PCDHGA9: variants seen among roughly 807,000 people sequenced by gnomAD.
PCDHGA9 encodes protocadherin gamma subfamily A, 9.
A neutral mutation model predicts 62.5 loss-of-function variants in PCDHGA9; 37 were observed. The observed-to-expected ratio is 0.59, with a 90% CI of 0.46 to 0.78. The LOEUF (loss-of-function observed/expected upper bound fraction) is 0.78, where lower values mean the gene tolerates loss of function less well. Ranked by LOEUF, PCDHGA9 falls within the 30% of genes least tolerant of loss-of-function variation. PCDHGA9 has a pLI of 0.00. For missense variants in PCDHGA9, 1,138 were observed against 1,166.2 expected (o/e 0.98, Z 0.35); for synonymous variants, 459 against 484.6 (o/e 0.95, Z 0.69).
chr5:141,474,505 A>G (rs2099350724), intron 1 of PCDHGA9, among the ~76,000 whole-genome samples: 2 of 152,248 alleles, frequency 1.3e-5, no homozygotes, highest in Admixed American at 6.5e-5. Context: ...AATGCCTATC[A>G]GCCCTCTTGC....
At position 141,431,782 on chromosome 5, in the gene PCDHGA9, C is replaced by A. The variant is rs767269112; in HGVS notation, c.2424+26406C>A. The A allele has an allele frequency of 6.2e-7, 1 of 1,614,082 alleles. No homozygotes were observed. On this transcript the variant is annotated intron_variant, in intron 1 of 3. Transcript: ENST00000573521. This position sits in a 1 kb window ranked among gnomAD's most constrained non-coding sequence, Gnocchi z 4.8. Reference sequence around the variant, plus strand: ...TCCTGATCACTGTTCTGGACGTGAACGACAATGCCCCAGAAGTGGTCCTCA... The same window carrying A: ...TCCTGATCACTGTTCTGGACGTGAAAGACAATGCCCCAGAAGTGGTCCTCA...
intron 1 of PCDHGA9, chr5:141,409,341 G>A (rs753232321): frequency 1.9e-6 from 3 of 1,613,976 alleles, no homozygotes; most frequent in Non-Finnish European, 2.5e-6. Flanking sequence ...GGAGGAAATG[G>A]AGAAGTCAGG....
chr5:141,411,285 A>C (rs2095477948), intron 1 of PCDHGA9: 1 of 152,218 alleles, frequency 6.6e-6, no homozygotes, highest in South Asian at 2.1e-4. Flanking sequence ...AAAAATATTC[A>C]GAAGACAGGC....
chr5:141,468,860 C>A (rs941902317), intron 1 of PCDHGA9, among the ~76,000 whole-genome samples: 16 of 151,980 alleles, frequency 1.1e-4, no homozygotes, highest in Admixed American at 4.6e-4. Context: ...AGCGAGACTC[C>A]ATCTCAAAAA....
intron 1 of PCDHGA9, among the ~76,000 whole-genome samples, chr5:141,463,736 G>A (rs757788192): frequency 1.3e-5 from 2 of 151,992 alleles, no homozygotes; most frequent in East Asian, 3.9e-4. Flanking sequence ...ATGAGCCACC[G>A]CGCCCGGCCT....
intron 2 of PCDHGA9, among the ~76,000 whole-genome samples, chr5:141,497,483 C>T (rs1039341023): frequency 6.6e-6 from 1 of 150,378 alleles, no homozygotes; most frequent in Non-Finnish European, 1.5e-5. Context: ...AGGTGCGGAA[C>T]CTCTCTCTCT....
intron 1 of PCDHGA9, chr5:141,409,009 G>A (rs1189849996): frequency 6.2e-7 from 1 of 1,613,994 alleles, no homozygotes. Context: ...CCACTGACCA[G>A]GATGAGGGGG....
chr5:141,439,796 G>A (rs980000701), intron 1 of PCDHGA9: 1 of 152,318 alleles, frequency 6.6e-6, no homozygotes. Flanking sequence ...AATCCAAGAA[G>A]AGTTTGAAAA....
chr5:141,407,847 T>C (rs1236964962), intron 1 of PCDHGA9, among the ~76,000 whole-genome samples: 2 of 152,224 alleles, frequency 1.3e-5, no homozygotes, highest in African/African-American at 4.8e-5. Context: ...TTGAGGGGGA[T>C]GTACACCTGC....
chr5:141,413,838 G>A, intron 1 of PCDHGA9: 1 of 1,613,284 alleles, frequency 6.2e-7, no homozygotes, highest in Non-Finnish European at 8.5e-7. Context: ...CCTCCGACGG[G>A]GGTGACCCTC....
At chr5:141,422,566 A>G (rs2096656660) in intron 1 of PCDHGA9, 1 of 1,614,020 alleles carries the variant, frequency 6.2e-7, no homozygotes, top group Non-Finnish European at 8.5e-7. Flanking sequence ...GGCAGATGAC[A>G]ACGATAACCC....
rs1375469711 is a variant in PCDHGA9, at chr5:141,512,102, C to A, written c.*929C>A. On this transcript the variant is annotated 3_prime_UTR_variant, in exon 4 of 4. Coordinates refer to ENST00000573521, the MANE Select transcript of PCDHGA9 (RefSeq NM_018921.3). ...GCCATAAACCAATAACTAGGCTGGA[C>A]CCTTCCCACTACATAATAGGGCTCA... The A allele has an allele frequency of 6.5e-6, 1 of 152,688 alleles. No individual in the cohort carries two copies. Among genetic ancestry groups the A allele is most frequent in the Non-Finnish European group, 1.5e-5 (1 of 68,070 alleles). The allele number at this position is 152,688 out of a possible 1,614,324, so 9.5% of individuals were successfully genotyped here. A position where few individuals can be genotyped will look rare whatever the true frequency, so the allele number is the denominator to read the frequency against.
chr5:141,477,568 C>G lies in PCDHGA9; in HGVS notation c.2425-17239C>G. 1 of 1,614,172 alleles carries G rather than the reference C, an allele frequency of 6.2e-7. No individual in the cohort carries two copies. Among genetic ancestry groups the G allele is most frequent in the Non-Finnish European group, 8.5e-7 (1 of 1,180,044 alleles). On this transcript the variant is annotated intron_variant, in intron 1 of 3. Coordinates refer to ENST00000573521, the MANE Select transcript of PCDHGA9 (RefSeq NM_018921.3). The surrounding 1 kb of genome is among the most constrained non-coding windows in gnomAD (Gnocchi z 4.9). ...TACTAAACCTAAGTGTCTGGGACCC[C>G]GACGCCCCGCAGAATGCTCGGCTTT...
chr5:141,417,533 A>T (rs1253836392), intron 1 of PCDHGA9: 3 of 274,888 alleles, frequency 1.1e-5, no homozygotes, highest in African/African-American at 2.2e-5. Context: ...CTCGTAGTTT[A>T]AAAAAAATTC....
chr5:141,467,952 C>A (rs1341210155), intron 1 of PCDHGA9, among the ~76,000 whole-genome samples: 1 of 152,186 alleles, frequency 6.6e-6, no homozygotes, highest in Non-Finnish European at 1.5e-5. Flanking sequence ...AGCCACCACA[C>A]CCGGCTGCCA....
chr5:141,405,648 G>A (rs936380418), intron 1 of PCDHGA9: 3 of 523,734 alleles, frequency 5.7e-6, no homozygotes, highest in East Asian at 3.2e-5. Flanking sequence ...CTAATTTTTT[G>A]TGTGTTTTTA....
Position 141,432,938 on chromosome 5 carries a change from G to C in PCDHGA9, c.2424+27562G>C. ...CTGGCACAAGTCACGCCTGCTGCAG[G>C]CTTCAGGAGGCGGCTTGACAGGAGC... On this transcript the variant is annotated intron_variant, in intron 1 of 3. Transcript: ENST00000573521. The surrounding 1 kb of genome is among the most constrained non-coding windows in gnomAD (Gnocchi z 6.0). 2 of 1,614,192 alleles carry C rather than the reference G, an allele frequency of 1.2e-6. No homozygotes were observed. Among genetic ancestry groups the C allele is most frequent in the South Asian group, 2.2e-5 (2 of 91,086 alleles).
At chr5:141,478,528 G>A (rs1013766552) in intron 1 of PCDHGA9, 1 of 1,609,730 alleles carries the variant, frequency 6.2e-7, no homozygotes, top group Non-Finnish European at 8.5e-7. Context: ...TGGGTGCAGA[G>A]AGCGCCCCTC....
rs757876687 is a variant in PCDHGA9 at position 141,413,273 on chromosome 5, G to A, written c.2424+7897G>A. On this transcript the variant is annotated intron_variant, in intron 1 of 3. Coordinates refer to ENST00000573521, the MANE Select transcript of PCDHGA9 (RefSeq NM_018921.3). The stretch of plus-strand genomic sequence containing the variant: ...GGGATTCCATGGGAGGCTGGAGCCC[G>A]GCAGATCTCCTACTCAATTCCTGAG... 4.3e-6 allele frequency: 7 copies of A among 1,613,920 alleles called. No homozygotes were observed. The highest frequency in any genetic ancestry group is 5.9e-6 in the Non-Finnish European group (7 of 1,179,902).
Sources: gnomAD v4.1 joint callset for allele counts (sites outside exome capture counted in the v4.1 genomes callset) on GRCh38, gnomAD v4.1.1 for gene constraint, Gnocchi (gnomAD v3.1) non-coding constraint, MANE v1.5 for transcripts, NCBI Gene and HGNC (gene_info 2026-07-23, HGNC 2026-07-21) for gene names.